The following GBA1 variants were observed in gnomAD, a reference collection of about 807,000 sequenced individuals.
The protein encoded by GBA1 is glucosylceramidase beta 1, also known as lysosomal acid glucosylceramidase.
At chr1:155,241,297 A>T in the GBA1 span, 1 of 656,318 alleles carries the variant, frequency 1.5e-6, no homozygotes, top group Non-Finnish European at 2.8e-6. Context: ...GCGTCACATG[A>T]CACAGGAAGT....
At chr1:155,244,541 C>CA in the GBA1 span, 3 of 152,340 alleles carry the variant, frequency 2.0e-5, no homozygotes, top group East Asian at 5.8e-4. Flanking sequence ...CAACCGGAGG[C>CA]AAAACGAAAT....
chr1:155,241,107 C>A, the GBA1 span: 1 of 1,613,866 alleles, frequency 6.2e-7, no homozygotes. Flanking sequence ...GACTTGAAAA[C>A]TCCATCCCCT....
At chr1:155,241,621 T>C in the GBA1 span, among the ~76,000 whole-genome samples, 19 of 151,766 alleles carry the variant, frequency 1.3e-4, no homozygotes, top group Admixed American at 2.0e-4. Flanking sequence ...TATAGAGGTG[T>C]GTGAGGCATG....
At chr1:155,236,232 TG>T in the GBA1 span, 9 of 1,608,898 alleles carry the variant, frequency 5.6e-6, no homozygotes, top group East Asian at 2.2e-5. Flanking sequence ...GAAGGGAGAC[TG>T]GGGTGGCTTA....
chr1:155,241,868 C>T, the GBA1 span, among the ~76,000 whole-genome samples: 1 of 152,186 alleles, frequency 6.6e-6, no homozygotes, highest in Non-Finnish European at 1.5e-5. Context: ...TCCTCTGCAG[C>T]GTCCCTTGTT....
the GBA1 span, chr1:155,235,918 A>C: frequency 3.5e-6 from 5 of 1,427,130 alleles, no homozygotes; most frequent in Non-Finnish European, 4.9e-6. Flanking sequence ...TAAGGGTCAC[A>C]TGTGGGAGAG....
chr1:155,236,137 G>T, the GBA1 span: 1 of 1,001,740 alleles, frequency 1.0e-6, no homozygotes, highest in South Asian at 1.4e-5. Context: ...GCTCAAAAGG[G>T]CAGGCTAGCT....
the GBA1 span, chr1:155,236,382 G>C: frequency 6.2e-7 from 1 of 1,613,986 alleles, no homozygotes; most frequent in Non-Finnish European, 8.5e-7. Flanking sequence ...GTCTCCCCTA[G>C]GGTGGCTTTG....
chr1:155,238,613 G>C, the GBA1 span: 7 of 1,613,658 alleles, frequency 4.3e-6, no homozygotes, highest in South Asian at 7.7e-5. Context: ...AGAAGTCACA[G>C]CTGGCCATGG....
At chr1:155,235,649 G>A in the GBA1 span, 1 of 1,559,940 alleles carries the variant, frequency 6.4e-7, no homozygotes. Flanking sequence ...GATAGGCCTG[G>A]TATGGAATGG....
At chr1:155,237,311 A>G in the GBA1 span, 1 of 1,613,852 alleles carries the variant, frequency 6.2e-7, no homozygotes. Context: ...TTTGAAGGTC[A>G]CTGGAGCACC....
chr1:155,236,527 T>C, the GBA1 span: 1 of 1,374,884 alleles, frequency 7.3e-7, no homozygotes, highest in East Asian at 2.3e-5. Context: ...GAACTTCTAG[T>C]TCCTGTTGTA....
At chr1:155,243,843 G>A in the GBA1 span, among the ~76,000 whole-genome samples, 1 of 151,930 alleles carries the variant, frequency 6.6e-6, no homozygotes, top group Non-Finnish European at 1.5e-5. Context: ...CACGATCTCG[G>A]TTCACTGCAA....
the GBA1 span, chr1:155,240,779 T>C: frequency 1.0e-3 from 1,490 of 1,421,056 alleles, 4 homozygotes; most frequent in African/African-American, 1.7e-3. Context: ...ACTACTCTCC[T>C]GGGCAGGGCT....
chr1:155,240,358 G>A, the GBA1 span: 2 of 603,138 alleles, frequency 3.3e-6, no homozygotes, highest in East Asian at 2.8e-5. Context: ...CAGCTACCTG[G>A]GAAGCTGAAG....
the GBA1 span, chr1:155,237,844 G>C: frequency 5.7e-6 from 4 of 703,276 alleles, no homozygotes; most frequent in Non-Finnish European, 9.3e-6. Context: ...AGAGGTTACA[G>C]TGAGTGAAGA....
chr1:155,237,725 A>C, the GBA1 span: 1 of 1,514,904 alleles, frequency 6.6e-7, no homozygotes, highest in Non-Finnish European at 8.9e-7. Flanking sequence ...AGCCTGGCGA[A>C]ACCCCGTCTC....
the GBA1 span, among the ~76,000 whole-genome samples, chr1:155,242,369 C>T: frequency 6.6e-6 from 1 of 151,966 alleles, no homozygotes; most frequent in Admixed American, 6.6e-5. Context: ...ATTACAGGTG[C>T]CCTCCAACAT....
the GBA1 span, chr1:155,240,215 G>C: frequency 1.1e-5 from 8 of 760,106 alleles, no homozygotes; most frequent in Non-Finnish European, 1.7e-5. Flanking sequence ...TGTAATCCTA[G>C]CACTTTAGGA....
Sources: allele counts gnomAD v4.1 joint callset (sites outside exome capture counted in the v4.1 genomes callset), GRCh38; gene constraint gnomAD v4.1.1; transcripts MANE v1.5; gene names NCBI Gene and HGNC (gene_info 2026-07-23, HGNC 2026-07-21).